Variants in RANBP9 observed in about 807,000 individuals in gnomAD.
RANBP9 encodes ran-binding protein 9.
Under a neutral mutation model 84.3 loss-of-function variants are expected in RANBP9, and 15 were observed. The observed-to-expected ratio is 0.18, with a 90% CI of 0.12 to 0.27. The LOEUF (loss-of-function observed/expected upper bound fraction) is 0.27. Among genes scored for constraint, RANBP9 ranks in the 10% least tolerant of loss-of-function variants. The pLI, the probability that RANBP9 is intolerant of heterozygous loss-of-function variation, is 1.00. For synonymous variants in RANBP9, 392 were observed against 349.6 expected (o/e 1.12, Z -1.35); for missense variants, 809 against 912.8 (o/e 0.89, Z 1.46).
At chr6:13,685,409 CA>C (rs1226556662) in intron 2 of RANBP9, among the ~76,000 whole-genome samples, 2 of 151,968 alleles carry the variant, frequency 1.3e-5, no homozygotes, top group Non-Finnish European at 2.9e-5. Context: ...TAATCCTCTA[CA>C]AAAAAATTCA....
At chr6:13,710,886 C>G (rs1421589853) in intron 1 of RANBP9, 49 bp downstream of exon 1, 44 of 1,528,352 alleles carry the variant, frequency 2.9e-5, no homozygotes, top group Non-Finnish European at 3.7e-5. Flanking sequence ...CGGCGGCCGG[C>G]CACGTCGGGT....
intron 4 of RANBP9, among the ~76,000 whole-genome samples, chr6:13,656,401 T>A (rs1458872888): frequency 4.0e-5 from 6 of 149,012 alleles, no homozygotes; most frequent in East Asian, 1.9e-4. Context: ...TTCTATAGTT[T>A]AAAAAAAAAA....
intron 11 of RANBP9, among the ~76,000 whole-genome samples, chr6:13,633,966 G>T (rs1382415326): frequency 6.6e-6 from 1 of 151,558 alleles, no homozygotes; most frequent in Non-Finnish European, 1.5e-5. Flanking sequence ...TTTTGGTGAG[G>T]GAGGTCATAC....
rs149000842 is a variant in RANBP9 at position 13,687,552 on chromosome 6, A to C, written c.683+9233T>G. On this transcript the variant is annotated intron_variant, in intron 2 of 13. Transcript: ENST00000011619. ...ATTTAGTCACATCACTATCCATTTA[A>C]TCTTCTAAGACAAAAGCTAGGGAGT... 5.3e-3 allele frequency among the ~76,000 whole-genome samples: 800 copies of C among 152,204 alleles called. 4 individuals are homozygous for C. Among genetic ancestry groups the C allele is most frequent in the African/African-American group, 0.018 (755 of 41,540 alleles).
chr6:13,704,288 C>A (rs1758044993), intron 1 of RANBP9, among the ~76,000 whole-genome samples: 1 of 152,150 alleles, frequency 6.6e-6, no homozygotes, highest in Non-Finnish European at 1.5e-5. Context: ...TGATGATTCT[C>A]CATCTCCTAC....
chr6:13,650,589 T>G (rs1327106624), intron 5 of RANBP9, among the ~76,000 whole-genome samples: 1 of 152,176 alleles, frequency 6.6e-6, no homozygotes, highest in African/African-American at 2.4e-5. Context: ...ACTGAGTTGC[T>G]TTTCCTGATG....
intron 2 of RANBP9, among the ~76,000 whole-genome samples, chr6:13,670,105 C>T (rs772733141): frequency 5.3e-4 from 81 of 151,972 alleles, no homozygotes; most frequent in Middle Eastern, 6.8e-3. Context: ...CCAGCCTAGC[C>T]GACATAGCAA....
intron 11 of RANBP9, among the ~76,000 whole-genome samples, chr6:13,633,096 G>A (rs1019515760): frequency 6.6e-6 from 1 of 151,702 alleles, no homozygotes; most frequent in African/African-American, 2.4e-5. Flanking sequence ...GTGCAGTGGT[G>A]TGATCCCAGC....
chr6:13,679,425 C>T lies in RANBP9; in HGVS notation c.683+17360G>A, dbSNP rs534714798. The stretch of plus-strand genomic sequence containing the variant: ...CCTATTAGTTTGAGAGTTCCTCTGA[C>T]GATTCTTTGTCGAATAATTCCATCT... On this transcript the variant is annotated intron_variant, in intron 2 of 13. Transcript: ENST00000011619. Among the ~76,000 whole-genome samples, 5 of 152,254 alleles carry T rather than the reference C, an allele frequency of 3.3e-5. No individual in the cohort carries two copies. In the South Asian group the frequency reaches 8.3e-4, roughly 25 times the overall value.
intron 13 of RANBP9, among the ~76,000 whole-genome samples, chr6:13,625,297 G>C (rs375950912): frequency 3.7e-4 from 56 of 152,232 alleles, no homozygotes; most frequent in African/African-American, 1.2e-3. Flanking sequence ...AGGGCTGTAA[G>C]GAATGTCTCT....
At chr6:13,625,930 A>C (rs1484064233) in intron 12 of RANBP9, among the ~76,000 whole-genome samples, 166 bp from the exon 13 acceptor site, 1 of 152,228 alleles carries the variant, frequency 6.6e-6, no homozygotes. Context: ...TTTGAACATT[A>C]AATTATGCAG....
intron 11 of RANBP9, among the ~76,000 whole-genome samples, chr6:13,633,448 T>A (rs1365433198): frequency 6.6e-6 from 1 of 152,244 alleles, no homozygotes; most frequent in East Asian, 1.9e-4. Flanking sequence ...CCCAAGCACT[T>A]TGTGCTATTA....
At chr6:13,643,278 T>C (rs1364142890) in intron 6 of RANBP9, among the ~76,000 whole-genome samples, 1 of 152,190 alleles carries the variant, frequency 6.6e-6, no homozygotes, top group Non-Finnish European at 1.5e-5. Context: ...ACGTACCAGG[T>C]AGTCAAAACA....
At chr6:13,665,160 C>T (rs1765619052) in intron 2 of RANBP9, among the ~76,000 whole-genome samples, 1 of 151,982 alleles carries the variant, frequency 6.6e-6, no homozygotes, top group South Asian at 2.1e-4. Context: ...TATAAAGGTT[C>T]TATAAGAAAA....
In RANBP9 at chr6:13,621,664, C is replaced by T. The variant is rs948155485; in HGVS notation, c.*698G>A. ...ATATAAATAAAGGTCATAACCACAC[C>T]GTTGACATGTAATACTGTTATAATA... On this transcript the variant is annotated 3_prime_UTR_variant, in exon 14 of 14. Coordinates refer to ENST00000011619, the MANE Select transcript of RANBP9 (RefSeq NM_005493.3). 5.2e-5 allele frequency: 8 copies of T among 152,498 alleles called. No individual in the cohort carries two copies. Among genetic ancestry groups the T allele is most frequent in the Admixed American group, 3.3e-4 (5 of 15,276 alleles). The allele number at this position is 152,498 out of a possible 1,614,324, so 9.4% of individuals were successfully genotyped here.
intron 2 of RANBP9, among the ~76,000 whole-genome samples, chr6:13,694,332 GTTC>G (rs1766391322): frequency 1.3e-5 from 2 of 152,188 alleles, no homozygotes; most frequent in Admixed American, 1.3e-4. Context: ...TAAAAGGACT[GTTC>G]TATGAATATA....
intron 4 of RANBP9, among the ~76,000 whole-genome samples, chr6:13,655,209 C>A (rs779156811): frequency 6.6e-6 from 1 of 152,206 alleles, no homozygotes; most frequent in African/African-American, 2.4e-5. Context: ...CAGTGGCTCA[C>A]GCCTGTAATG....
chr6:13,632,363 T>C lies in RANBP9; in HGVS notation c.1947+7A>G, dbSNP rs199996721. Reference sequence around the variant, plus strand: ...ATTCATAATTTTTCAAGAAAAAATATATTCACCTTCAACATTTTTTTGTTT... The same window carrying C: ...ATTCATAATTTTTCAAGAAAAAATACATTCACCTTCAACATTTTTTTGTTT... On this transcript the variant is annotated splice_region_variant and intron_variant, in intron 12 of 13. Coordinates refer to ENST00000011619, the MANE Select transcript of RANBP9 (RefSeq NM_005493.3). 12 of 1,606,708 alleles carry C rather than the reference T, an allele frequency of 7.5e-6. No individual in the cohort carries two copies. The East Asian group carries it at 1.8e-4, about 24-fold the overall frequency.
At chr6:13,666,282 T>A (rs143861162) in intron 2 of RANBP9, among the ~76,000 whole-genome samples, 1 of 152,046 alleles carries the variant, frequency 6.6e-6, no homozygotes, top group Admixed American at 6.6e-5. Context: ...AGATACCTTA[T>A]AAAATAATTA....
Sources: gnomAD v4.1 joint callset for allele counts (sites outside exome capture counted in the v4.1 genomes callset) on GRCh38, gnomAD v4.1.1 for gene constraint, MANE v1.5 for transcripts, NCBI Gene and HGNC (gene_info 2026-07-23, HGNC 2026-07-21) for gene names.